The following VPS13D variants were observed in gnomAD, a reference collection of about 807,000 sequenced individuals.
VPS13D encodes the protein intermembrane lipid transfer protein VPS13D.
VPS13D carries 187 observed loss-of-function variants against 461.9 expected under a neutral mutation model. The observed-to-expected ratio is 0.40, with a 90% CI of 0.36 to 0.46. The LOEUF (loss-of-function observed/expected upper bound fraction) is 0.46, where lower values mean the gene tolerates loss of function less well. Among genes scored for constraint, VPS13D ranks in the 20% least tolerant of loss-of-function variants. The probability of loss-of-function intolerance (pLI) is 0.60; values close to 1 mark genes in which losing one functional copy is unlikely to be tolerated. For missense variants in VPS13D, 4,711 were observed against 5,364.9 expected (o/e 0.88, Z 3.81); for synonymous variants, 1,951 against 1,986.3 (o/e 0.98, Z 0.47).
intron 65 of VPS13D, among the ~76,000 whole-genome samples, chr1:12,433,666 C>A (rs1276579587): frequency 6.6e-6 from 1 of 152,146 alleles, no homozygotes. Flanking sequence ...AGGCCTGTAA[C>A]ACAAAACTAT....
chr1:12,273,787 T>C (rs1236241326), intron 18 of VPS13D, among the ~76,000 whole-genome samples: 1 of 152,232 alleles, frequency 6.6e-6, no homozygotes, highest in Non-Finnish European at 1.5e-5. Flanking sequence ...GCGTTTTGTT[T>C]ATCCTTTCAT....
At chr1:12,243,135 A>G (rs1383835926) in intron 3 of VPS13D, among the ~76,000 whole-genome samples, 2 of 151,568 alleles carry the variant, frequency 1.3e-5, no homozygotes, top group East Asian at 3.9e-4. Context: ...TTGTATTTTT[A>G]GTAGAGACGA....
At chr1:12,451,665 G>A (rs745988569) in intron 65 of VPS13D, among the ~76,000 whole-genome samples, 4 of 152,184 alleles carry the variant, frequency 2.6e-5, no homozygotes, top group Admixed American at 6.5e-5. Flanking sequence ...GTTGCTAGTC[G>A]CTTTCCCAGT....
intron 67 of VPS13D, among the ~76,000 whole-genome samples, chr1:12,490,076 A>G (rs988019399): frequency 6.6e-6 from 1 of 152,136 alleles, no homozygotes; most frequent in African/African-American, 2.4e-5. Flanking sequence ...TGGATACTTA[A>G]TTCATCCCAG....
At chr1:12,317,892 TA>T (rs1345195910) in intron 30 of VPS13D, among the ~76,000 whole-genome samples, 179 bp from the exon 31 acceptor site, 2 of 152,222 alleles carry the variant, frequency 1.3e-5, no homozygotes, top group East Asian at 3.8e-4. Flanking sequence ...AATGTGTTAT[TA>T]AACCAGTAAT....
At position 12,354,080 on chromosome 1, in the gene VPS13D, C is replaced by T; in HGVS notation, c.9538C>T (p.Leu3180Phe). 1 of 1,614,154 alleles carries T rather than the reference C, an allele frequency of 6.2e-7. No individual in the cohort carries two copies. The highest frequency in any genetic ancestry group is 8.5e-7 in the Non-Finnish European group (1 of 1,180,034). ...IFRQPGHTIY[L>F]LPTVVICNLL... Reference sequence around the variant, plus strand: ...CAGACAGCCTGGGCATACCATATATCTCCTGCCAACTGTGGTAATCTGCAA... The same window carrying T: ...CAGACAGCCTGGGCATACCATATATTTCCTGCCAACTGTGGTAATCTGCAA... Residue 3180 changes from leucine (L) to phenylalanine (F), a missense_variant, in exon 47 of 70, where the codon CTC (leucine) becomes TTC (phenylalanine). Around this residue, in one of 3 missense-constraint regions of VPS13D, gnomAD observed 4,411 missense variants for 4,937.8 expected, o/e 0.89. Transcript: ENST00000620676.
chr1:12,459,320 G>A (rs1645372633), intron 66 of VPS13D, among the ~76,000 whole-genome samples: 1 of 152,170 alleles, frequency 6.6e-6, no homozygotes, highest in Non-Finnish European at 1.5e-5. Context: ...ACAGGACGGT[G>A]TGTGTAGGTT....
At chr1:12,451,342 G>C (rs756439836) in intron 65 of VPS13D, among the ~76,000 whole-genome samples, 11 of 152,200 alleles carry the variant, frequency 7.2e-5, no homozygotes, top group Non-Finnish European at 1.2e-4. Context: ...TTACCCCCTT[G>C]CTGAAAATAT....
Position 12,328,610 on chromosome 1 carries a change from G to A in VPS13D, c.8197+756G>A, listed in dbSNP as rs569092793. 2.6e-5 allele frequency among the ~76,000 whole-genome samples: 4 copies of A among 152,116 alleles called. No homozygotes were observed. In the South Asian group the frequency reaches 6.2e-4, roughly 24 times the overall value. On this transcript the variant is annotated intron_variant, in intron 36 of 69. Coordinates refer to ENST00000620676, the MANE Select transcript of VPS13D (RefSeq NM_015378.4). ...GGCTGGAGTGCAGTGGTGCAATCTC[G>A]GCTCACCACAATCTCTGCCTCCTGG...
chr1:12,296,748 A>G (rs1642288403), intron 24 of VPS13D, among the ~76,000 whole-genome samples: 1 of 152,140 alleles, frequency 6.6e-6, no homozygotes, highest in Non-Finnish European at 1.5e-5. Context: ...TGTGACTTTC[A>G]GTATGACTCT....
chr1:12,472,179 C>G (rs1431061574), intron 67 of VPS13D, among the ~76,000 whole-genome samples: 2 of 152,022 alleles, frequency 1.3e-5, no homozygotes, highest in Admixed American at 6.6e-5. Flanking sequence ...GAGACAGTCC[C>G]CAGAGAATCT....
intron 27 of VPS13D, 97 bp downstream of exon 27, chr1:12,308,738 C>T (rs1642644007): frequency 8.9e-7 from 1 of 1,127,366 alleles, no homozygotes; most frequent in Admixed American, 2.2e-5. Context: ...CAACCTCCAC[C>T]TCTGAGGTTC....
chr1:12,256,621 A>G (rs1329341695), intron 8 of VPS13D, 118 bp downstream of exon 8: 3 of 1,185,856 alleles, frequency 2.5e-6, no homozygotes, highest in East Asian at 2.4e-5. Context: ...ATTTCCCTCC[A>G]GACTAAAGTT....
At chr1:12,259,800 A>C (rs571352036) in intron 10 of VPS13D, among the ~76,000 whole-genome samples, 29 of 152,308 alleles carry the variant, frequency 1.9e-4, no homozygotes, top group African/African-American at 6.7e-4. Flanking sequence ...AGAGTGAAAC[A>C]AGTGAAAATG....
At chr1:12,489,798 TCTA>T (rs1645851330) in intron 67 of VPS13D, among the ~76,000 whole-genome samples, 1 of 152,202 alleles carries the variant, frequency 6.6e-6, no homozygotes. Context: ...TATTGACTTA[TCTA>T]CTCCTCACAA....
chr1:12,290,630 G>C (rs1642101972), intron 22 of VPS13D, among the ~76,000 whole-genome samples: 1 of 151,842 alleles, frequency 6.6e-6, no homozygotes, highest in African/African-American at 2.4e-5. Context: ...GGCTGAGGCA[G>C]GAGAATGGCG....
intron 42 of VPS13D, among the ~76,000 whole-genome samples, chr1:12,343,666 C>T (rs1052846122): frequency 1.3e-5 from 2 of 152,234 alleles, no homozygotes; most frequent in Non-Finnish European, 2.9e-5. Context: ...TGAGCCACTG[C>T]ACCCAGCCTC....
chr1:12,372,819 T>G (rs1644139445), intron 54 of VPS13D, among the ~76,000 whole-genome samples: 1 of 147,988 alleles, frequency 6.8e-6, no homozygotes, highest in South Asian at 2.1e-4. Flanking sequence ...TTTTTTTTTT[T>G]GCTAATAAGG....
In VPS13D at chr1:12,262,226, A is replaced by T. The variant is rs1377468956; in HGVS notation, c.1594+146A>T. On this transcript the variant is annotated intron_variant, in intron 13 of 69. Transcript: ENST00000620676. ...ATGTGGAACCATTGCTCTTAGGGGA[A>T]ATACTGGGTTAGGTTCATGTGAACC... 3.4e-6 allele frequency: 3 copies of T among 884,654 alleles called. No homozygotes were observed. The African/African-American group carries it at 5.1e-5, about 15-fold the overall frequency. The allele number at this position is 884,654 out of a possible 1,614,324, so 54.8% of individuals were successfully genotyped here. A position where few individuals can be genotyped will look rare whatever the true frequency, so the allele number is the denominator to read the frequency against.
Sources: allele counts gnomAD v4.1 joint callset (sites outside exome capture counted in the v4.1 genomes callset), GRCh38; gene constraint gnomAD v4.1.1; regional missense constraint gnomAD v4.1.1; transcripts MANE v1.5; gene names NCBI Gene and HGNC (gene_info 2026-07-23, HGNC 2026-07-21).